CDYL: variants seen among roughly 807,000 people sequenced by gnomAD.
The protein encoded by CDYL is chromodomain Y like, also known as chromodomain Y-like protein.
A neutral mutation model predicts 47.3 loss-of-function variants in CDYL; 8 were observed. That is an observed-to-expected ratio of 0.17 (90% CI 0.10 to 0.31). CDYL has a LOEUF of 0.31. CDYL is among the 10% of genes least tolerant of loss of function. The probability of loss-of-function intolerance (pLI) is 1.00; values close to 1 mark genes in which losing one functional copy is unlikely to be tolerated. For synonymous variants in CDYL, 266 were observed against 265.0 expected, an observed-to-expected ratio of 1.00 and a Z score of -0.04; for missense variants, 471 against 701.4, an observed-to-expected ratio of 0.67 and a Z score of 3.71.
intron 2 of CDYL, among the ~76,000 whole-genome samples, chr6:4,905,404 G>A (rs1258790494): frequency 6.6e-6 from 1 of 152,176 alleles, no homozygotes; most frequent in Non-Finnish European, 1.5e-5. Flanking sequence ...GACCTGAACT[G>A]TCTCCTCAGC....
intron 3 of CDYL, among the ~76,000 whole-genome samples, chr6:4,749,387 A>C (rs1757952420): frequency 6.6e-6 from 1 of 151,678 alleles, no homozygotes; most frequent in South Asian, 2.1e-4. Flanking sequence ...TATGTGATGG[A>C]TAGATGGATG....
chr6:4,923,959 T>A (rs527348328), intron 2 of CDYL, among the ~76,000 whole-genome samples: 19 of 152,182 alleles, frequency 1.2e-4, no homozygotes, highest in Admixed American at 6.5e-4. Flanking sequence ...AGGAGCATTT[T>A]TTAGAAGTCC....
At chr6:4,771,482 G>T (rs1303111283), upstream of CDYL, among the ~76,000 whole-genome samples, 3 of 152,098 alleles carry the variant, frequency 2.0e-5, no homozygotes. Flanking sequence ...CACACTTTGA[G>T]AACTTCTACA....
At chr6:4,833,031 A>T (rs1581197860) in intron 1 of CDYL, among the ~76,000 whole-genome samples, 3 of 149,170 alleles carry the variant, frequency 2.0e-5, no homozygotes, top group Non-Finnish European at 4.5e-5. Context: ...CAGCTCCTGG[A>T]TTCATTAATT....
At chr6:4,709,248 T>C (rs1303396168) in intron 1 of CDYL, among the ~76,000 whole-genome samples, 23 of 151,750 alleles carry the variant, frequency 1.5e-4, no homozygotes, top group Non-Finnish European at 2.9e-4. Context: ...CAGGCTGGAG[T>C]GCAGTGGCCC....
intron 1 of CDYL, among the ~76,000 whole-genome samples, chr6:4,778,790 T>C (rs912716429): frequency 2.6e-5 from 4 of 152,250 alleles, no homozygotes; most frequent in Non-Finnish European, 5.9e-5. Context: ...CTTTTACTTG[T>C]AGGCAACACT....
chr6:4,722,477 C>T (rs181713530), intron 2 of CDYL, among the ~76,000 whole-genome samples: 2 of 152,260 alleles, frequency 1.3e-5, no homozygotes, highest in East Asian at 1.9e-4. Flanking sequence ...AGAAAATGTT[C>T]GTCAAATACC....
At chr6:4,772,694 C>T (rs1056516182), upstream of CDYL, among the ~76,000 whole-genome samples, 1 of 152,122 alleles carries the variant, frequency 6.6e-6, no homozygotes, top group South Asian at 2.1e-4. Context: ...GGGTTTAAAA[C>T]CAACAAACTT....
intron 1 of CDYL, among the ~76,000 whole-genome samples, chr6:4,873,717 A>G (rs1483758952): frequency 6.6e-6 from 1 of 152,244 alleles, no homozygotes; most frequent in Non-Finnish European, 1.5e-5. Context: ...ATGTGATAAT[A>G]TACAATTCTG....
chr6:4,709,406 C>G (rs546501116), intron 1 of CDYL, among the ~76,000 whole-genome samples: 3 of 152,322 alleles, frequency 2.0e-5, no homozygotes, highest in African/African-American at 7.2e-5. Flanking sequence ...TCATGTTGGT[C>G]AAGCTGGTCT....
intron 1 of CDYL, among the ~76,000 whole-genome samples, chr6:4,830,093 T>C (rs1581195776): frequency 6.8e-6 from 1 of 147,456 alleles, no homozygotes; most frequent in South Asian, 2.1e-4. Context: ...AGTCTGCCCC[T>C]GTCTGTACAT....
rs1757849800 is a variant in CDYL, at chr6:4,744,291, A to C, written c.186+9447A>C. Among the ~76,000 whole-genome samples, 3 of 152,190 alleles carry C rather than the reference A, an allele frequency of 2.0e-5. No individual in the cohort carries two copies. In the South Asian group the frequency reaches 6.2e-4, roughly 31 times the overall value. Reference sequence around the variant, plus strand: ...GAGGACTGCTTGAGGCCAGGAATTTAAGGCCAGCCTAGTCAGCTTAGTAAA... The same window carrying C: ...GAGGACTGCTTGAGGCCAGGAATTTCAGGCCAGCCTAGTCAGCTTAGTAAA... On this transcript the variant is annotated intron_variant, in intron 3 of 8. Coordinates refer to the CDYL transcript ENST00000328908.
intron 1 of CDYL, among the ~76,000 whole-genome samples, chr6:4,807,025 C>T (rs1211527645): frequency 6.6e-6 from 1 of 152,016 alleles, no homozygotes; most frequent in Non-Finnish European, 1.5e-5. Context: ...TCCTCACACG[C>T]TCTTTCCTCT....
chr6:4,744,277 GAGGCCAGGAATTTA>G (rs1170818295), intron 3 of CDYL, among the ~76,000 whole-genome samples: 1 of 152,194 alleles, frequency 6.6e-6, no homozygotes, highest in African/African-American at 2.4e-5. Context: ...AGGACTGCTT[GAGGCCAGGAATTTA>G]AGGCCAGCCT....
intron 1 of CDYL, among the ~76,000 whole-genome samples, chr6:4,882,883 T>A (rs1418030362): frequency 6.6e-6 from 1 of 152,004 alleles, no homozygotes; most frequent in Non-Finnish European, 1.5e-5. Context: ...CACTGGAGAG[T>A]GAGAAATTTA....
At chr6:4,761,575 CT>C (rs1758176638) in intron 3 of CDYL, among the ~76,000 whole-genome samples, 1 of 152,130 alleles carries the variant, frequency 6.6e-6, no homozygotes, top group Admixed American at 6.5e-5. Flanking sequence ...AACTCTTGAC[CT>C]TGTGATCTGC....
intron 1 of CDYL, among the ~76,000 whole-genome samples, chr6:4,814,452 GA>G (rs1487691999): frequency 1.3e-5 from 2 of 152,128 alleles, no homozygotes; most frequent in Non-Finnish European, 2.9e-5. Context: ...ATAACAAGAG[GA>G]AGTTCTGCTT....
intron 1 of CDYL, among the ~76,000 whole-genome samples, chr6:4,793,505 C>T (rs547260559): frequency 6.6e-6 from 1 of 152,244 alleles, no homozygotes; most frequent in East Asian, 1.9e-4. Context: ...ACTTGTAGGA[C>T]TTCATAAATG....
chr6:4,790,076 A>G (rs1330136032), intron 1 of CDYL, among the ~76,000 whole-genome samples: 2 of 152,178 alleles, frequency 1.3e-5, no homozygotes, highest in East Asian at 3.9e-4. Context: ...GATATTGATA[A>G]TGATAAAAAG....
Sources: allele counts gnomAD v4.1 joint callset (sites outside exome capture counted in the v4.1 genomes callset), GRCh38; gene constraint gnomAD v4.1.1; transcripts MANE v1.5; gene names NCBI Gene and HGNC (gene_info 2026-07-23, HGNC 2026-07-21).